Variants in PIGH observed in about 807,000 individuals in gnomAD.
PIGH encodes phosphatidylinositol glycan anchor biosynthesis class H.
In PIGH, 11 loss-of-function variants were observed where a neutral mutation model predicts 20.1. The ratio of observed to expected loss-of-function variants is 0.55; its 90% CI spans 0.34 to 0.91. The LOEUF is 0.91. Among genes scored for constraint, PIGH ranks in the 40% least tolerant of loss-of-function variants. PIGH has a pLI of 0.02. For synonymous variants in PIGH, 72 were observed against 93.1 expected, an observed-to-expected ratio of 0.77 and a Z score of 1.31; for missense variants, 189 against 233.6, an observed-to-expected ratio of 0.81 and a Z score of 1.24.
At chr14:67,599,356 A>G (rs556965274) in intron 1 of PIGH, among the ~76,000 whole-genome samples, 55 of 152,330 alleles carry the variant, frequency 3.6e-4, no homozygotes, top group African/African-American at 1.2e-3. Flanking sequence ...CATGAATTCT[A>G]TTTTAGAGAT....
intron 3 of PIGH, 53 bp downstream of exon 3, chr14:67,592,582 T>G (rs943819330): frequency 3.8e-6 from 4 of 1,060,166 alleles, no homozygotes; most frequent in Admixed American, 3.6e-5. Flanking sequence ...TTTACATTCC[T>G]AATGAAAAGG....
At chr14:67,593,502 A>C (rs1037986238) in intron 2 of PIGH, 6 of 483,008 alleles carry the variant, frequency 1.2e-5, no homozygotes, top group Non-Finnish European at 2.2e-5. Context: ...AAAAAAAAAA[A>C]AGAAAAAAGA....
rs764367222 is a variant in PIGH, at chr14:67,592,672, T to C, written c.437A>G (p.Glu146Gly). 2 of 1,608,944 alleles carry C rather than the reference T, an allele frequency of 1.2e-6. No individual in the cohort carries two copies. Among genetic ancestry groups the C allele is most frequent in the South Asian group, 1.1e-5 (1 of 90,866 alleles). ...YLCILLKDPVEPHGISQVVPV... is the reference protein window; with the variant it reads ...YLCILLKDPVGPHGISQVVPV... ...TACTACTTGGGATATCCCATGTGGTTCCACTGGATCTTTCAATAAGATGCA... is the reference window on the plus strand; with the variant it reads ...TACTACTTGGGATATCCCATGTGGTCCCACTGGATCTTTCAATAAGATGCA... The change falls in exon 3 of 4, where the codon GAA becomes GGA. Residue 146 changes from glutamate to glycine, a missense_variant. By Grantham distance (98) the Glu-to-Gly change is moderately conservative. Transcript: ENST00000216452.
intron 1 of PIGH, among the ~76,000 whole-genome samples, chr14:67,594,634 A>G (rs905992340): frequency 6.6e-6 from 1 of 151,228 alleles, no homozygotes. Flanking sequence ...GCCTGATGAC[A>G]GAGTGAGACA....
At chr14:67,590,926 A>G (rs2036351543) in intron 3 of PIGH, among the ~76,000 whole-genome samples, 1 of 152,242 alleles carries the variant, frequency 6.6e-6, no homozygotes, top group South Asian at 2.1e-4. Context: ...AACAGCCCTC[A>G]AACACAAGAA....
chr14:67,600,096 G>C lies in PIGH; in HGVS notation c.108C>G (p.Leu36=), dbSNP rs2036550124. Residue 36 remains leucine, a synonymous_variant, in exon 1 of 4, where the codon CTC becomes CTG. Transcript: ENST00000216452. Reference sequence around the variant, plus strand: ...TGACAGCGGTGAGCGAACGCAGCGAGAGCCGAGGGCAGCTGAGGCAGAATT... The same window carrying C: ...TGACAGCGGTGAGCGAACGCAGCGACAGCCGAGGGCAGCTGAGGCAGAATT... ...CREFCLSCPR[L]SLRSLTAVTC... is the part of the protein sequence containing the mutation. 1 of 1,596,248 alleles carries C rather than the reference G, an allele frequency of 6.3e-7. No individual in the cohort carries two copies.
chr14:67,589,811 G>GAC lies in PIGH; in HGVS notation c.*267_*268dup, dbSNP rs572705154. On this transcript the variant is annotated 3_prime_UTR_variant, in exon 4 of 4. Transcript: ENST00000216452. The stretch of plus-strand genomic sequence containing the variant: ...GCAATTTCCGAAAGTGTTCTTTGCT[G>GAC]ACATTACTTTTGACATACTGTGTCA... 3.1e-5 allele frequency: 36 copies of GAC among 1,150,016 alleles called. No individual in the cohort carries two copies. The African/African-American group carries it at 5.7e-4, about 18-fold the overall frequency. The allele number at this position is 1,150,016 out of a possible 1,614,324, so 71.2% of individuals were successfully genotyped here.
chr14:67,598,770 C>T (rs542825875), intron 1 of PIGH, among the ~76,000 whole-genome samples: 2 of 147,142 alleles, frequency 1.4e-5, no homozygotes, highest in Admixed American at 1.4e-4. Context: ...AGTGCAGTGG[C>T]GTGATCTCGG....
rs1319128130 is a variant in PIGH, at chr14:67,590,076, G to A, written c.*4C>T. 9.0e-6 allele frequency: 14 copies of A among 1,549,296 alleles called. No homozygotes were observed. Among genetic ancestry groups the A allele is most frequent in the Non-Finnish European group, 1.1e-5 (13 of 1,146,426 alleles). ...GACAATGCTGGCCTTCTGAACGCTG[G>A]GGCTCATGGGCTTGTTGATGTGGCT... is the stretch of plus-strand genomic sequence containing the variant. On this transcript the variant is annotated 3_prime_UTR_variant, in exon 4 of 4. Transcript: ENST00000216452.
At chr14:67,596,293 T>C (rs1195492624) in intron 1 of PIGH, among the ~76,000 whole-genome samples, 3 of 122,266 alleles carry the variant, frequency 2.5e-5, no homozygotes, top group Non-Finnish European at 3.3e-5. Flanking sequence ...CACGCCCAGC[T>C]AATTTTTTTT....
chr14:67,598,341 A>G (rs1235059379), intron 1 of PIGH, among the ~76,000 whole-genome samples: 1 of 152,194 alleles, frequency 6.6e-6, no homozygotes, highest in African/African-American at 2.4e-5. Flanking sequence ...ACCTGGCATA[A>G]AAGCAGGCTT....
rs575783755 is a variant in PIGH at position 67,590,206 on chromosome 14, G to A, written c.475-34C>T. On this transcript the variant is annotated intron_variant, in intron 3 of 3. Coordinates refer to ENST00000216452, the MANE Select transcript of PIGH (RefSeq NM_004569.5). The stretch of plus-strand genomic sequence containing the variant: ...CAAAGGGGAGAAATGCGGAGTCAAG[G>A]TGAGAATATAAGGGAGTGCAGTGGT... The A allele has an allele frequency of 1.4e-5, 21 of 1,535,002 alleles. No individual in the cohort carries two copies. In the South Asian group the frequency reaches 2.5e-4, roughly 18 times the overall value.
intron 3 of PIGH, chr14:67,591,995 T>C (rs563241846): frequency 2.0e-5 from 3 of 152,320 alleles, no homozygotes; most frequent in African/African-American, 7.2e-5. Context: ...TATTAAATTA[T>C]TTACAAAGCA....
Position 67,600,104 on chromosome 14 carries a change from G to C in PIGH, c.100C>G (p.Pro34Ala), listed in dbSNP as rs953542042. The change falls in exon 1 of 4, where the codon CCT becomes GCT. Residue 34 changes from proline to alanine, a missense_variant. Coordinates refer to ENST00000216452, the MANE Select transcript of PIGH (RefSeq NM_004569.5). ...PSCREFCLSC[P>A]RLSLRSLTAV... ...GTGAGCGAACGCAGCGAGAGCCGAG[G>C]GCAGCTGAGGCAGAATTCCCGGCAG... 1.3e-6 allele frequency: 2 copies of C among 1,596,394 alleles called. No homozygotes were observed. The highest frequency in any genetic ancestry group is 2.7e-5 in the African/African-American group (2 of 74,624).
intron 1 of PIGH, among the ~76,000 whole-genome samples, chr14:67,597,176 T>A (rs949913999): frequency 2.0e-5 from 3 of 152,222 alleles, no homozygotes; most frequent in Admixed American, 2.0e-4. Flanking sequence ...TACTATCTAG[T>A]CTTTTAATGA....
At chr14:67,593,666 G>A (rs1478431606) in intron 2 of PIGH, 77 bp downstream of exon 2, 5 of 819,534 alleles carry the variant, frequency 6.1e-6, no homozygotes, top group Non-Finnish European at 8.3e-6. Flanking sequence ...TACGGTTTTA[G>A]TTTAAATCTG....
intron 1 of PIGH, among the ~76,000 whole-genome samples, chr14:67,598,177 A>G (rs2036508041): frequency 6.6e-6 from 1 of 152,184 alleles, no homozygotes; most frequent in African/African-American, 2.4e-5. Flanking sequence ...ACTCTCATAA[A>G]CAGTTTTGAA....
intron 1 of PIGH, among the ~76,000 whole-genome samples, chr14:67,595,593 A>G (rs180909156): frequency 6.6e-6 from 1 of 152,352 alleles, no homozygotes; most frequent in Non-Finnish European, 1.5e-5. Context: ...AACTCTGGCC[A>G]ATGAAATGTG....
chr14:67,593,066 C>T (rs953515791), intron 2 of PIGH, among the ~76,000 whole-genome samples: 2 of 152,230 alleles, frequency 1.3e-5, no homozygotes, highest in African/African-American at 2.4e-5. Context: ...GGATTACAGG[C>T]GTGAGCCACC....
Sources: allele counts gnomAD v4.1 joint callset (sites outside exome capture counted in the v4.1 genomes callset), GRCh38; gene constraint gnomAD v4.1.1; transcripts MANE v1.5; gene names NCBI Gene and HGNC (gene_info 2026-07-23, HGNC 2026-07-21).